The following LAMA1 variants were observed in gnomAD, a reference collection of about 807,000 sequenced individuals.
The protein encoded by LAMA1 is laminin subunit alpha-1.
In LAMA1, 219 loss-of-function variants were observed where a neutral mutation model predicts 348.7. The ratio of observed to expected loss-of-function variants is 0.63; its 90% confidence interval spans 0.56 to 0.70. LAMA1 has a LOEUF of 0.70. LAMA1 is among the 30% of genes least tolerant of loss of function. The pLI is 0.00. For synonymous variants in LAMA1, 1,487 were observed against 1,491.0 expected (o/e 1.00, Z 0.06); for missense variants, 3,744 against 3,888.0 (o/e 0.96, Z 0.99).
chr18:6,993,866 T>C, intron 34 of LAMA1, 114 bp from the exon 35 acceptor site: 1 of 739,242 alleles, frequency 1.4e-6, no homozygotes. Context: ...CAACATATAT[T>C]CCAGAATATA....
At chr18:7,090,943 G>C (rs575812995) in intron 1 of LAMA1, among the ~76,000 whole-genome samples, 1 of 152,160 alleles carries the variant, frequency 6.6e-6, no homozygotes, top group African/African-American at 2.4e-5. Context: ...TGTGCTCAAG[G>C]TGTCCTTGAA....
intron 28 of LAMA1, among the ~76,000 whole-genome samples, chr18:7,007,683 C>T (rs12967046): frequency 6.6e-6 from 1 of 152,274 alleles, no homozygotes; most frequent in African/African-American, 2.4e-5. Context: ...ATTTGAACCC[C>T]TATGTTCATA....
At chr18:7,034,881 G>A (rs2057987482) in intron 13 of LAMA1, among the ~76,000 whole-genome samples, 191 bp from the exon 14 acceptor site, 2 of 152,152 alleles carry the variant, frequency 1.3e-5, no homozygotes, top group Admixed American at 6.5e-5. Flanking sequence ...ATTATTTTTA[G>A]AGGGGTTCTG....
chr18:7,088,765 T>G (rs938531041), intron 1 of LAMA1, among the ~76,000 whole-genome samples: 1 of 152,084 alleles, frequency 6.6e-6, no homozygotes, highest in Non-Finnish European at 1.5e-5. Flanking sequence ...CAAACAATCC[T>G]TCCATCTCAG....
chr18:6,977,392 G>A (rs1023820268), intron 44 of LAMA1, among the ~76,000 whole-genome samples: 6 of 152,228 alleles, frequency 3.9e-5, no homozygotes, highest in African/African-American at 1.2e-4. Context: ...AAACTTAAGA[G>A]TGATGTTAAC....
Position 6,964,767 on chromosome 18 carries a change from T to C in LAMA1, c.7232A>G (p.Asn2411Ser). Reference protein sequence around the residue: ...LAVIDAYNTSNKETKQGETPG... With the variant: ...LAVIDAYNTSSKETKQGETPG... Reference sequence around the variant, plus strand: ...AGTCTCGCCCTGCTTGGTTTCTTTATTACTGGTGTTATAGGCATCGATAAC... The same window carrying C: ...AGTCTCGCCCTGCTTGGTTTCTTTACTACTGGTGTTATAGGCATCGATAAC... The change falls in exon 51 of 63, where the codon AAT becomes AGT. Residue 2411 changes from asparagine (N) to serine (S), a missense_variant. Physicochemically the swap from Asn to Ser is conservative, Grantham distance 46 (BLOSUM62 1). This residue lies in a region of LAMA1 where 1,983 missense variants were observed against 1,934.3 expected (regional missense o/e 1.03). Coordinates refer to ENST00000389658, the MANE Select transcript of LAMA1 (RefSeq NM_005559.4). The C allele has an allele frequency of 1.2e-6, 2 of 1,614,124 alleles. No individual in the cohort carries two copies. The highest frequency in any genetic ancestry group is 2.2e-5 in the South Asian group (2 of 91,084).
intron 15 of LAMA1, among the ~76,000 whole-genome samples, chr18:7,032,485 G>C (rs1443729272): frequency 1.3e-5 from 2 of 152,142 alleles, no homozygotes; most frequent in African/African-American, 2.4e-5. Flanking sequence ...CAATATGTTT[G>C]TCCAAGTGAT....
Position 6,999,466 on chromosome 18 carries a change from G to C in LAMA1, c.4642C>G (p.Leu1548Val), listed in dbSNP as rs1248807538. ...TCACAAACACAATCTGTTTCCATCA[G>C]AATGTGCCTCGGTTCACACTCATCG... ...RCDECEPRHI[L>V]METDCVSCDD... The change falls in exon 32 of 63, where the codon CTG (leucine) becomes GTG (valine). Residue 1548 changes from leucine (L) to valine (V), a missense_variant. Physicochemically the swap from Leu to Val is conservative, Grantham distance 32. Transcript: ENST00000389658. 6.2e-7 allele frequency: 1 copy of C among 1,614,156 alleles called. No individual in the cohort carries two copies. The highest frequency in any genetic ancestry group is 1.7e-5 in the Admixed American group (1 of 60,022).
At chr18:7,071,066 ATC>A (rs2058144046) in intron 3 of LAMA1, among the ~76,000 whole-genome samples, 1 of 152,202 alleles carries the variant, frequency 6.6e-6, no homozygotes, top group African/African-American at 2.4e-5. Flanking sequence ...CACTCCCAAC[ATC>A]AAGAGGGAAT....
At chr18:7,046,593 G>T (rs955774933) in intron 5 of LAMA1, among the ~76,000 whole-genome samples, 4 of 152,116 alleles carry the variant, frequency 2.6e-5, no homozygotes, top group Admixed American at 2.0e-4. Flanking sequence ...AAGTCTAAAA[G>T]AATTCCCCAA....
At chr18:7,059,799 T>C (rs958316433) in intron 3 of LAMA1, among the ~76,000 whole-genome samples, 4 of 152,228 alleles carry the variant, frequency 2.6e-5, no homozygotes, top group African/African-American at 9.6e-5. Context: ...ATGTTTTCTC[T>C]CTTGCATGAA....
chr18:7,116,783 C>T (rs2143846148), intron 1 of LAMA1, among the ~76,000 whole-genome samples: 1 of 152,104 alleles, frequency 6.6e-6, no homozygotes, highest in South Asian at 2.1e-4. Context: ...TTCTTTCTTT[C>T]TTTTTCTTTC....
Position 6,949,099 on chromosome 18 carries a change from ACATTTCCAATTTTCCTGGC to A in LAMA1, c.8539_8556+1del. Reference sequence around the variant, plus strand: ...AATGTCAGTATGGAAAATGCTGCTTACATTTCCAATTTTCCTGGCCTGGTACTGGGAGGGCAGGCCTCCT... The same window carrying A: ...AATGTCAGTATGGAAAATGCTGCTTACTGGTACTGGGAGGGCAGGCCTCCT... On this transcript the variant is annotated splice_donor_variant and coding_sequence_variant, in exon 59 of 63. Transcript: ENST00000389658. LOFTEE classifies it high-confidence loss of function. 6.2e-7 allele frequency: 1 copy of A among 1,614,204 alleles called. No homozygotes were observed.
intron 3 of LAMA1, among the ~76,000 whole-genome samples, chr18:7,062,907 T>TCTTCTTC (rs2058108237): frequency 6.6e-6 from 1 of 152,206 alleles, no homozygotes; most frequent in African/African-American, 2.4e-5. Context: ...GCTTACAGCT[T>TCTTCTTC]GCATCCCTTC....
chr18:6,951,502 C>T (rs2057546522), intron 57 of LAMA1, among the ~76,000 whole-genome samples: 1 of 152,156 alleles, frequency 6.6e-6, no homozygotes, highest in Admixed American at 6.5e-5. Context: ...CACCCAGGGA[C>T]AGCACCAGGG....
chr18:7,056,078 CA>C (rs745622734), intron 3 of LAMA1, among the ~76,000 whole-genome samples: 78 of 116,704 alleles, frequency 6.7e-4, no homozygotes, highest in Middle Eastern at 4.7e-3. Context: ...AGACTGTCTC[CA>C]AAAAAAAAAA....
intron 1 of LAMA1, among the ~76,000 whole-genome samples, chr18:7,085,825 A>G (rs2058215019): frequency 6.6e-6 from 1 of 152,120 alleles, no homozygotes; most frequent in Non-Finnish European, 1.5e-5. Flanking sequence ...TTTCTTTGAA[A>G]CCTGGTAGTC....
At position 6,948,479 on chromosome 18, in the gene LAMA1, A is replaced by C. The variant is rs2057532022; in HGVS notation, c.8634T>G (p.Ser2878=). 3 of 1,614,212 alleles carry C rather than the reference A, an allele frequency of 1.9e-6. No homozygotes were observed. Among genetic ancestry groups the C allele is most frequent in the Non-Finnish European group, 1.7e-6 (2 of 1,180,044 alleles). The change falls in exon 60 of 63, where the codon TCT becomes TCG. Residue 2878 remains serine (S), a synonymous_variant. Coordinates refer to ENST00000389658, the MANE Select transcript of LAMA1 (RefSeq NM_005559.4). ...CGTAGCACCTGTTCACCGTGAAGGC[A>C]GACACCGGGCTGTCCTTGTCCAGCT... The part of the protein sequence containing the change: ...SKQLDKDSPV[S]AFTVNRCYAV...
At position 7,112,188 on chromosome 18, in the gene LAMA1, GA is replaced by G. The variant is rs540320108; in HGVS notation, c.61+5471del. On this transcript the variant is annotated intron_variant, in intron 1 of 62. Coordinates refer to ENST00000389658, the MANE Select transcript of LAMA1 (RefSeq NM_005559.4). ...AGTTTTTAAACCCCAAAAGATCTAGGAAACACTGCTCTAACAATACCTTTCT... is the reference window on the plus strand; with the variant it reads ...AGTTTTTAAACCCCAAAAGATCTAGGAACACTGCTCTAACAATACCTTTCT... Among the ~76,000 whole-genome samples, 627 of 152,268 alleles carry G rather than the reference GA, an allele frequency of 4.1e-3. 3 individuals are homozygous for G. Among genetic ancestry groups the G allele is most frequent in the African/African-American group, 0.014 (599 of 41,572 alleles).
Sources: gnomAD v4.1 joint callset for allele counts (sites outside exome capture counted in the v4.1 genomes callset) on GRCh38, gnomAD v4.1.1 for gene constraint, gnomAD v4.1.1 regional missense constraint, MANE v1.5 for transcripts, NCBI Gene and HGNC (gene_info 2026-07-23, HGNC 2026-07-21) for gene names.